Variants in CNTNAP2 observed in about 807,000 individuals in gnomAD.
CNTNAP2 encodes the protein contactin associated protein 2, also known as contactin-associated protein-like 2.
A neutral mutation model predicts 155.2 loss-of-function variants in CNTNAP2; 98 were observed. The observed-to-expected ratio is 0.63, with a 90% CI of 0.54 to 0.75. The LOEUF is 0.75. CNTNAP2 is among the 30% of genes least tolerant of loss of function. CNTNAP2 has a pLI of 0.00. For missense variants in CNTNAP2, 1,727 were observed against 1,688.1 expected, an observed-to-expected ratio of 1.02 and a Z score of -0.40; for synonymous variants, 651 against 631.2, an observed-to-expected ratio of 1.03 and a Z score of -0.47.
intron 2 of CNTNAP2, among the ~76,000 whole-genome samples, chr7:146,807,414 A>G (rs933018173): frequency 6.6e-6 from 1 of 152,226 alleles, no homozygotes; most frequent in South Asian, 2.1e-4. Flanking sequence ...ACTTTTTATG[A>G]TGCTGTAATA....
chr7:148,287,466 T>C (rs1275781304), intron 21 of CNTNAP2, among the ~76,000 whole-genome samples: 1 of 152,202 alleles, frequency 6.6e-6, no homozygotes, highest in Non-Finnish European at 1.5e-5. Flanking sequence ...GATTGAGTGA[T>C]TGTTTTTATT....
At chr7:146,534,664 G>A (rs966019212) in intron 1 of CNTNAP2, among the ~76,000 whole-genome samples, 8 of 151,878 alleles carry the variant, frequency 5.3e-5, no homozygotes, top group African/African-American at 1.7e-4. Context: ...GCAGTTACAT[G>A]CTATCTAAAG....
intron 4 of CNTNAP2, among the ~76,000 whole-genome samples, chr7:147,107,222 A>G (rs976768615): frequency 7.9e-5 from 12 of 152,198 alleles, no homozygotes; most frequent in Non-Finnish European, 1.6e-4. Flanking sequence ...GAATCATTCT[A>G]TGAATCGAGA....
At chr7:146,857,632 T>C (rs924183043) in intron 3 of CNTNAP2, among the ~76,000 whole-genome samples, 7 of 152,092 alleles carry the variant, frequency 4.6e-5, no homozygotes, top group Admixed American at 3.9e-4. Context: ...AGAGAACGAC[T>C]GAGAAACAAT....
rs79289621 is a variant in CNTNAP2, at chr7:148,255,929, G to C, written c.3382-11104G>C. 1.4e-3 allele frequency among the ~76,000 whole-genome samples: 206 copies of C among 152,212 alleles called. 5 individuals are homozygous for C. The East Asian group carries it at 0.024, about 18-fold the overall frequency. On this transcript the variant is annotated intron_variant, in intron 20 of 23. Coordinates refer to ENST00000361727, the MANE Select transcript of CNTNAP2 (RefSeq NM_014141.6). ...CACTTCCAGTCCAGGAATCTGAGAC[G>C]ATCACTACCTCTCCCTGGGATTCTG...
chr7:147,233,742 GA>G (rs1037566750), intron 8 of CNTNAP2, among the ~76,000 whole-genome samples: 1 of 151,438 alleles, frequency 6.6e-6, no homozygotes. Flanking sequence ...TTGAAAAAAG[GA>G]AAAAAGTCTT....
intron 14 of CNTNAP2, among the ~76,000 whole-genome samples, chr7:147,950,046 G>A (rs1057144225): frequency 2.0e-5 from 3 of 152,040 alleles, no homozygotes; most frequent in East Asian, 1.9e-4. Context: ...TCAAAGGCTT[G>A]GGGAGAAAGG....
At chr7:147,300,514 T>A (rs1794928531) in intron 9 of CNTNAP2, among the ~76,000 whole-genome samples, 1 of 152,202 alleles carries the variant, frequency 6.6e-6, no homozygotes, top group Admixed American at 6.5e-5. Context: ...TGGCCTAATT[T>A]AAATCATTGA....
chr7:146,304,861 T>G (rs1800680537), intron 1 of CNTNAP2, among the ~76,000 whole-genome samples: 2 of 152,084 alleles, frequency 1.3e-5, no homozygotes, highest in South Asian at 4.1e-4. Context: ...TATCCTGCAG[T>G]GTTTTCCAAC....
intron 12 of CNTNAP2, among the ~76,000 whole-genome samples, chr7:147,615,895 T>C (rs920224217): frequency 2.6e-5 from 4 of 152,176 alleles, no homozygotes; most frequent in South Asian, 2.1e-4. Flanking sequence ...CTGTTGAAAC[T>C]GATCATGTGG....
chr7:146,582,423 C>T (rs573962557), intron 1 of CNTNAP2, among the ~76,000 whole-genome samples: 6 of 152,032 alleles, frequency 3.9e-5, no homozygotes, highest in African/African-American at 7.2e-5. Flanking sequence ...GAAGACACCC[C>T]AAAGACATAG....
chr7:146,330,318 G>A (rs554746332), intron 1 of CNTNAP2, among the ~76,000 whole-genome samples: 4 of 152,172 alleles, frequency 2.6e-5, no homozygotes, highest in East Asian at 1.9e-4. Flanking sequence ...CACTGCGCCC[G>A]GCTCGACAAG....
At chr7:147,629,261 A>C (rs1795040892) in intron 12 of CNTNAP2, among the ~76,000 whole-genome samples, 1 of 151,944 alleles carries the variant, frequency 6.6e-6, no homozygotes, top group South Asian at 2.1e-4. Flanking sequence ...AAATTAGCCA[A>C]GCAACGTGAT....
intron 13 of CNTNAP2, among the ~76,000 whole-genome samples, chr7:147,688,078 G>A (rs1475780728): frequency 1.3e-5 from 2 of 152,116 alleles, no homozygotes; most frequent in Non-Finnish European, 2.9e-5. Context: ...ATGCGGAAGA[G>A]GGCTACATGG....
At chr7:147,371,127 CCT>C (rs1796331828) in intron 9 of CNTNAP2, among the ~76,000 whole-genome samples, 1 of 152,054 alleles carries the variant, frequency 6.6e-6, no homozygotes, top group Non-Finnish European at 1.5e-5. Flanking sequence ...CAAACGCCCT[CCT>C]ATTGCTTAAA....
chr7:146,262,898 A>T (rs534265195), intron 1 of CNTNAP2, among the ~76,000 whole-genome samples: 50 of 152,348 alleles, frequency 3.3e-4, no homozygotes, highest in Middle Eastern at 3.4e-3. Context: ...CACCTTAACT[A>T]TCTGATCCTT....
At chr7:146,527,262 G>C (rs1431293030) in intron 1 of CNTNAP2, among the ~76,000 whole-genome samples, 1 of 152,124 alleles carries the variant, frequency 6.6e-6, no homozygotes, top group Non-Finnish European at 1.5e-5. Context: ...ACCCCAAGAA[G>C]AGAGCTTAGA....
intron 1 of CNTNAP2, among the ~76,000 whole-genome samples, chr7:146,461,133 G>A (rs775095425): frequency 1.6e-4 from 24 of 152,204 alleles, no homozygotes; most frequent in Middle Eastern, 3.4e-3. Context: ...GCTGGGCGCG[G>A]TGGCTCACAC....
chr7:146,583,470 G>A (rs890825662), intron 1 of CNTNAP2, among the ~76,000 whole-genome samples: 9 of 152,100 alleles, frequency 5.9e-5, no homozygotes, highest in Non-Finnish European at 8.8e-5. Flanking sequence ...GGAAGGCAAC[G>A]ACGGCTCACA....
Sources: allele counts gnomAD v4.1 joint callset (sites outside exome capture counted in the v4.1 genomes callset), GRCh38; gene constraint gnomAD v4.1.1; transcripts MANE v1.5; gene names NCBI Gene and HGNC (gene_info 2026-07-23, HGNC 2026-07-21).